Variants in C1QTNF7 observed in about 807,000 individuals in gnomAD.
C1QTNF7 encodes the protein C1q and TNF related 7.
In C1QTNF7, 15 loss-of-function variants were observed where a neutral mutation model predicts 19.6. That is an observed-to-expected ratio of 0.76 (90% CI 0.51 to 1.18). C1QTNF7 has a LOEUF of 1.18. C1QTNF7 is among the 50% of genes most tolerant of loss of function. The probability of loss-of-function intolerance (pLI) is 0.00; values close to 1 mark genes in which losing one functional copy is unlikely to be tolerated. For missense variants in C1QTNF7, 324 were observed against 359.7 expected (o/e 0.90, Z 0.80); for synonymous variants, 142 against 137.5 (o/e 1.03, Z -0.23).
At chr4:15,362,291 T>C (rs1041796180) in intron 1 of C1QTNF7, 1 of 152,140 alleles carries the variant, frequency 6.6e-6, no homozygotes. Flanking sequence ...TTTCCCTCTA[T>C]ATAGACAAGT....
intron 1 of C1QTNF7, among the ~76,000 whole-genome samples, chr4:15,399,719 T>C (rs1718917679): frequency 2.0e-5 from 3 of 151,926 alleles, no homozygotes; most frequent in South Asian, 4.1e-4. Flanking sequence ...CTATGTCTTA[T>C]ATAACTATAA....
chr4:15,368,329 T>G (rs1446675833), intron 1 of C1QTNF7, among the ~76,000 whole-genome samples: 1 of 152,196 alleles, frequency 6.6e-6, no homozygotes, highest in Non-Finnish European at 1.5e-5. Flanking sequence ...CTAGGGTACA[T>G]GTGCACAACT....
chr4:15,420,594 C>T (rs1012234137), intron 1 of C1QTNF7, among the ~76,000 whole-genome samples: 8 of 152,168 alleles, frequency 5.3e-5, no homozygotes, highest in African/African-American at 1.9e-4. Context: ...AACCTTACTT[C>T]ATTTGGATAT....
At chr4:15,433,003 G>C (rs1029664447) in intron 1 of C1QTNF7, among the ~76,000 whole-genome samples, 2 of 151,992 alleles carry the variant, frequency 1.3e-5, no homozygotes, top group East Asian at 3.8e-4. Flanking sequence ...TTCACAGACT[G>C]TTCCTGTGAC....
chr4:15,372,390 T>C (rs1392397855), intron 1 of C1QTNF7, among the ~76,000 whole-genome samples: 1 of 152,156 alleles, frequency 6.6e-6, no homozygotes, highest in Non-Finnish European at 1.5e-5. Context: ...CATCTGCAAG[T>C]CAAGAAGAGA....
chr4:15,387,136 G>T lies in C1QTNF7; in HGVS notation c.13+46929G>T, dbSNP rs190349570. Among the ~76,000 whole-genome samples, 257 of 152,318 alleles carry T rather than the reference G, an allele frequency of 1.7e-3. 1 individual carries two copies. Among genetic ancestry groups the T allele is most frequent in the Non-Finnish European group, 2.4e-3 (166 of 68,026 alleles). ...CAAAGGATTTGTTAATGTACAATTTGCAGGAAAAGGAGAATCAAAGGGGAC... is the reference window on the plus strand; with the variant it reads ...CAAAGGATTTGTTAATGTACAATTTTCAGGAAAAGGAGAATCAAAGGGGAC... On this transcript the variant is annotated intron_variant, in intron 1 of 2. Transcript: ENST00000295297.
At chr4:15,345,116 A>T (rs1716671677) in intron 1 of C1QTNF7, among the ~76,000 whole-genome samples, 1 of 152,238 alleles carries the variant, frequency 6.6e-6, no homozygotes, top group South Asian at 2.1e-4. Flanking sequence ...ATTTTCTTGA[A>T]ATCAACATAA....
chr4:15,356,848 A>G (rs1310908768), intron 1 of C1QTNF7, among the ~76,000 whole-genome samples: 1 of 151,628 alleles, frequency 6.6e-6, no homozygotes, highest in African/African-American at 2.4e-5. Context: ...TCTAATAACC[A>G]GTGATGATGA....
At chr4:15,425,707 C>T (rs1206339855), upstream of C1QTNF7, among the ~76,000 whole-genome samples, 4 of 152,098 alleles carry the variant, frequency 2.6e-5, no homozygotes, top group African/African-American at 9.7e-5. Flanking sequence ...GAGGATAATA[C>T]AATTACTCAC....
At chr4:15,405,762 C>T (rs1252661132) in intron 1 of C1QTNF7, among the ~76,000 whole-genome samples, 1 of 152,150 alleles carries the variant, frequency 6.6e-6, no homozygotes, top group Admixed American at 6.6e-5. Context: ...TTCCTATTGA[C>T]CTTCAAATAA....
chr4:15,373,968 C>A (rs1025959051), intron 1 of C1QTNF7: 2 of 152,180 alleles, frequency 1.3e-5, no homozygotes, highest in African/African-American at 2.4e-5. Context: ...AGAGAGATTA[C>A]CACATTGTAT....
At chr4:15,435,432 T>C (rs1240313540) in intron 1 of C1QTNF7, among the ~76,000 whole-genome samples, 2 of 152,192 alleles carry the variant, frequency 1.3e-5, no homozygotes, top group African/African-American at 4.8e-5. Context: ...AAAAAGAAAA[T>C]GCCATTTTTA....
At chr4:15,433,426 A>G (rs566900230) in intron 1 of C1QTNF7, among the ~76,000 whole-genome samples, 83 of 152,246 alleles carry the variant, frequency 5.5e-4, no homozygotes, top group Non-Finnish European at 9.6e-4. Flanking sequence ...CAGCAAAAAC[A>G]TGACCTACTT....
At chr4:15,422,211 A>T (rs2430323) in intron 1 of C1QTNF7, among the ~76,000 whole-genome samples, 3,417 of 35,626 alleles carry the variant, frequency 0.096, 109 homozygotes, top group African/African-American at 0.28. Context: ...GTTTTTTTTT[A>T]AAAAAAAAAA....
At chr4:15,427,682 C>T (rs1712113797), upstream of C1QTNF7, 1 of 152,150 alleles carries the variant, frequency 6.6e-6, no homozygotes, top group Admixed American at 6.6e-5. Flanking sequence ...GCTTTTTTCT[C>T]TAAGTTAACA....
intron 1 of C1QTNF7, among the ~76,000 whole-genome samples, chr4:15,398,920 G>A (rs1019920932): frequency 3.3e-5 from 5 of 152,140 alleles, no homozygotes; most frequent in Admixed American, 1.3e-4. Context: ...CTGGGATCTC[G>A]CATTGCCTCT....
chr4:15,402,727 T>C (rs1459439419), intron 1 of C1QTNF7, among the ~76,000 whole-genome samples: 2 of 152,260 alleles, frequency 1.3e-5, no homozygotes. Flanking sequence ...AGTTGTCATC[T>C]AACCTTAGAA....
intron 1 of C1QTNF7, among the ~76,000 whole-genome samples, chr4:15,366,614 C>T (rs574343573): frequency 1.4e-4 from 21 of 151,060 alleles, no homozygotes; most frequent in African/African-American, 5.1e-4. Flanking sequence ...TCTTTTTTTC[C>T]TTCCAATCTT....
intron 1 of C1QTNF7, among the ~76,000 whole-genome samples, chr4:15,393,152 C>T (rs538270127): frequency 1.8e-4 from 27 of 152,138 alleles, no homozygotes; most frequent in Non-Finnish European, 3.7e-4. Context: ...GCTTGGCCCT[C>T]TTTTCTGTCT....
Sources: allele counts gnomAD v4.1 joint callset (sites outside exome capture counted in the v4.1 genomes callset), GRCh38; gene constraint gnomAD v4.1.1; transcripts MANE v1.5; gene names NCBI Gene and HGNC (gene_info 2026-07-23, HGNC 2026-07-21).